Variants in EPG5 observed in about 807,000 individuals in gnomAD.
EPG5 encodes the protein ectopic P-granules 5 autophagy tethering factor, also known as ectopic P granules protein 5 homolog.
In EPG5, 159 loss-of-function variants were observed where a neutral mutation model predicts 302.7. The observed-to-expected ratio is 0.53, with a 90% CI of 0.46 to 0.60. The LOEUF is 0.60. Among genes scored for constraint, EPG5 ranks in the 20% least tolerant of loss-of-function variants. The pLI, the probability that EPG5 is intolerant of heterozygous loss-of-function variation, is 0.00. For missense variants in EPG5, 2,896 were observed against 3,092.4 expected, an observed-to-expected ratio of 0.94 and a Z score of 1.51; for synonymous variants, 1,158 against 1,136.8, an observed-to-expected ratio of 1.02 and a Z score of -0.37.
At chr18:45,832,224 G>A in the EPG5 span, among the ~76,000 whole-genome samples, 6 of 152,218 alleles carry the variant, frequency 3.9e-5, no homozygotes, top group Admixed American at 6.5e-5. Flanking sequence ...TACTATGTTC[G>A]CCATTTTGCA....
chr18:45,917,159 G>A (rs2050051102), intron 17 of EPG5, among the ~76,000 whole-genome samples: 1 of 152,136 alleles, frequency 6.6e-6, no homozygotes, highest in Non-Finnish European at 1.5e-5. Context: ...CCACTGTACA[G>A]GGTTCCTCCA....
At chr18:45,858,913 A>C (rs1355837660) in intron 40 of EPG5, 131 bp from the exon 41 acceptor site, 6 of 681,940 alleles carry the variant, frequency 8.8e-6, no homozygotes, top group Non-Finnish European at 1.5e-5. Flanking sequence ...AATAAGCTTC[A>C]TGTCAAGACA....
chr18:45,910,750 A>T lies in EPG5; in HGVS notation c.3984-8T>A, dbSNP rs1312462490. The T allele has an allele frequency of 1.2e-6, 2 of 1,607,456 alleles. No individual in the cohort carries two copies. Among genetic ancestry groups the T allele is most frequent in the South Asian group, 1.1e-5 (1 of 90,814 alleles). On this transcript the variant is annotated splice_polypyrimidine_tract_variant and splice_region_variant and intron_variant, in intron 22 of 43. Transcript: ENST00000282041. ...CAACCATCTATGGGTAACCTTAAAA[A>T]ACACAAGCACAGATCTATAACCTTT...
chr18:45,805,680 A>G, the EPG5 span, among the ~76,000 whole-genome samples: 2 of 152,176 alleles, frequency 1.3e-5, no homozygotes, highest in Admixed American at 6.5e-5. Flanking sequence ...GAAAGTAAAT[A>G]GATGCAAAAG....
chr18:45,929,128 C>T, intron 12 of EPG5, 119 bp from the exon 13 acceptor site: 1 of 1,019,034 alleles, frequency 9.8e-7, no homozygotes, highest in Non-Finnish European at 1.4e-6. Context: ...TTAATTGACA[C>T]TATGTTCCAA....
chr18:45,964,089 T>C lies in EPG5; in HGVS notation c.63+3088A>G, dbSNP rs958465198. 3.3e-5 allele frequency among the ~76,000 whole-genome samples: 5 copies of C among 152,208 alleles called. No individual in the cohort carries two copies. In the South Asian group the frequency reaches 6.2e-4, roughly 19 times the overall value. On this transcript the variant is annotated intron_variant, in intron 1 of 43. Coordinates refer to ENST00000282041, the MANE Select transcript of EPG5 (RefSeq NM_020964.3). The stretch of plus-strand genomic sequence containing the variant: ...ACTTTAACAAAAAAAAATTAATGTA[T>C]GTTTGTATAGGAAAGTTGCCTAAGA...
chr18:45,824,776 C>A, the EPG5 span, among the ~76,000 whole-genome samples: 1 of 152,000 alleles, frequency 6.6e-6, no homozygotes, highest in Non-Finnish European at 1.5e-5. Context: ...TGCCATCCAC[C>A]GAATCATAGA....
At chr18:45,950,658 T>C (rs1042168595) in intron 4 of EPG5, among the ~76,000 whole-genome samples, 8 of 152,230 alleles carry the variant, frequency 5.3e-5, no homozygotes, top group Non-Finnish European at 1.2e-4. Flanking sequence ...ACAATATTCA[T>C]TTGTAATTCT....
chr18:45,959,127 CCT>C (rs2051091978), intron 1 of EPG5, among the ~76,000 whole-genome samples: 1 of 152,202 alleles, frequency 6.6e-6, no homozygotes, highest in Non-Finnish European at 1.5e-5. Flanking sequence ...TTGCAGTTCC[CCT>C]GTCTCGATGA....
At chr18:45,926,884 A>T (rs1379414348) in intron 13 of EPG5, among the ~76,000 whole-genome samples, 2 of 151,930 alleles carry the variant, frequency 1.3e-5, no homozygotes, top group Non-Finnish European at 2.9e-5. Context: ...AAACTGAAAG[A>T]ATCATATGAT....
the EPG5 span, among the ~76,000 whole-genome samples, chr18:45,815,136 T>G: frequency 1.3e-5 from 2 of 152,192 alleles, no homozygotes; most frequent in African/African-American, 2.4e-5. Flanking sequence ...TACCATTTAT[T>G]TCATCTGACA....
intron 19 of EPG5, 56 bp from the exon 20 acceptor site, chr18:45,915,677 G>T: frequency 7.5e-7 from 1 of 1,326,404 alleles, no homozygotes; most frequent in South Asian, 1.2e-5. Flanking sequence ...TCTTATCAAT[G>T]ACCTTTACAA....
chr18:45,852,752 C>T (rs893664398), intron 43 of EPG5, 103 bp from the exon 44 acceptor site: 2 of 1,050,808 alleles, frequency 1.9e-6, no homozygotes, highest in Non-Finnish European at 2.8e-6. Flanking sequence ...AACTGTGAGC[C>T]TTGTGGGAAG....
the EPG5 span, among the ~76,000 whole-genome samples, chr18:45,804,505 C>G: frequency 6.6e-6 from 1 of 152,252 alleles, no homozygotes; most frequent in Admixed American, 6.5e-5. Flanking sequence ...GGCAAAGTGT[C>G]AAAAGCATGC....
intron 16 of EPG5, among the ~76,000 whole-genome samples, chr18:45,918,563 G>GA (rs1390808810): frequency 6.6e-6 from 1 of 151,890 alleles, no homozygotes; most frequent in African/African-American, 2.4e-5. Context: ...CTCAAATACG[G>GA]AAAAAAATAT....
rs775400691 is a variant in EPG5 at position 45,865,762 on chromosome 18, GA to G, written c.6622-4del. ...GCTTGGCATTTTGGAACTGCATCCT[GA>G]CCAAAAAAAAAAAAAAAAATCATTC... On this transcript the variant is annotated splice_region_variant and splice_polypyrimidine_tract_variant and intron_variant, in intron 38 of 43. Transcript: ENST00000282041. The G allele has an allele frequency of 4.8e-6, 7 of 1,448,998 alleles. No individual in the cohort carries two copies. In the East Asian group the frequency reaches 1.7e-4, roughly 36 times the overall value. 89.8% of individuals were successfully genotyped at this position (1,448,998 alleles called of 1,614,324 possible).
At chr18:45,934,116 A>G (rs2050463031) in intron 11 of EPG5, among the ~76,000 whole-genome samples, 1 of 151,890 alleles carries the variant, frequency 6.6e-6, no homozygotes, top group Non-Finnish European at 1.5e-5. Flanking sequence ...TGATGAAACC[A>G]TGTCTCTACT....
intron 16 of EPG5, among the ~76,000 whole-genome samples, chr18:45,919,686 G>A (rs1344624436): frequency 2.6e-5 from 4 of 151,908 alleles, no homozygotes; most frequent in Non-Finnish European, 5.9e-5. Flanking sequence ...CTAATTTTTT[G>A]TATTTTTAGT....
chr18:45,838,743 G>T, the EPG5 span: 10 of 1,580,348 alleles, frequency 6.3e-6, no homozygotes, highest in African/African-American at 9.6e-5. Flanking sequence ...TCAACATCTC[G>T]GTGCTGCCCA....
Sources: gnomAD v4.1 joint callset for allele counts (sites outside exome capture counted in the v4.1 genomes callset) on GRCh38, gnomAD v4.1.1 for gene constraint, MANE v1.5 for transcripts, NCBI Gene and HGNC (gene_info 2026-07-23, HGNC 2026-07-21) for gene names.